The following RBM38 variants were observed in gnomAD, a reference collection of about 807,000 sequenced individuals.
RBM38 encodes the protein RNA binding motif protein 38.
A neutral mutation model predicts 23.5 loss-of-function variants in RBM38; 11 were observed. That is an observed-to-expected ratio of 0.47 (90% CI 0.29 to 0.77). The LOEUF (loss-of-function observed/expected upper bound fraction) is 0.77. Ranked by LOEUF, RBM38 falls within the 30% of genes least tolerant of loss-of-function variation. RBM38 has a pLI of 0.08. For missense variants in RBM38, 330 were observed against 351.9 expected (o/e 0.94, Z 0.50); for synonymous variants, 165 against 166.1 (o/e 0.99, Z 0.05).
rs982182289 is a variant in RBM38 at position 57,391,431 on chromosome 20, C to G, written c.-151C>G. 6.7e-6 allele frequency: 1 copy of G among 148,548 alleles called. No homozygotes were observed. Among genetic ancestry groups the G allele is most frequent in the Non-Finnish European group, 1.5e-5 (1 of 67,754 alleles). 9.2% of individuals were successfully genotyped at this position (148,548 alleles called of 1,614,324 possible). ...CGCAGCGCCGGTCGGGAGCGCAGCG[C>G]GGCGCACGTCGGCGCGCACGGCGGG... On this transcript the variant is annotated 5_prime_UTR_variant, in exon 1 of 4. Transcript: ENST00000356208.
chr20:57,407,425 C>A lies in RBM38; in HGVS notation c.417-118C>A. The A allele has an allele frequency of 8.4e-7, 1 of 1,189,826 alleles. No homozygotes were observed. The highest frequency in any genetic ancestry group is 1.2e-6 in the Non-Finnish European group (1 of 838,580). The allele number at this position is 1,189,826 out of a possible 1,614,324, so 73.7% of individuals were successfully genotyped here. On this transcript the variant is annotated intron_variant, in intron 3 of 3. Transcript: ENST00000356208. The surrounding 1 kb of genome is among the most constrained non-coding windows in gnomAD (Gnocchi z 4.0). ...AGGTGCTGTTTCTGTGCCCATCTGA[C>A]CGATGAGGAAAGTCGGGGCTCGGGG...
intron 3 of RBM38, among the ~76,000 whole-genome samples, chr20:57,394,024 C>T (rs1188359221): frequency 2.6e-5 from 4 of 152,098 alleles, no homozygotes; most frequent in African/African-American, 4.8e-5. Flanking sequence ...AAGAGTCCTG[C>T]CTTGCGGCCT....
At chr20:57,392,882 T>TCGGCTATCATGTG (rs1192510929) in intron 2 of RBM38, 105 bp downstream of exon 2, 2 of 1,466,422 alleles carry the variant, frequency 1.4e-6, no homozygotes, top group Non-Finnish European at 1.9e-6. Flanking sequence ...GCAGTGGCAG[T>TCGGCTATCATGTG]CGGCTATCAT....
chr20:57,406,605 G>A (rs115323196), intron 3 of RBM38, among the ~76,000 whole-genome samples: 1,780 of 152,292 alleles, frequency 0.012, 24 homozygotes, highest in African/African-American at 0.037. Context: ...TGTGGTCACC[G>A]CCATTGCACT....
At chr20:57,399,746 C>T (rs905336093) in intron 3 of RBM38, among the ~76,000 whole-genome samples, 7 of 152,178 alleles carry the variant, frequency 4.6e-5, no homozygotes, top group East Asian at 1.9e-4. Flanking sequence ...TGGGGATTCC[C>T]GGGAGGCAGG....
chr20:57,392,850 G>A, intron 2 of RBM38, 73 bp downstream of exon 2: 1 of 1,565,440 alleles, frequency 6.4e-7, no homozygotes, highest in Non-Finnish European at 8.7e-7. Flanking sequence ...CGGGTGGAAA[G>A]AGGCCCCCCC....
rs543954479 is a variant in RBM38, at chr20:57,407,789, G to C, written c.663G>C (p.Ala221=). 1 of 1,603,138 alleles carries C rather than the reference G, an allele frequency of 6.2e-7. No homozygotes were observed. Among genetic ancestry groups the C allele is most frequent in the Admixed American group, 1.7e-5 (1 of 58,820 alleles). The change falls in exon 4 of 4, where the codon GCG becomes GCC. Residue 221 remains alanine (A), a synonymous_variant. Transcript: ENST00000356208. This position sits in a 1 kb window ranked among gnomAD's most constrained non-coding sequence, Gnocchi z 4.0. ...VPQALSAAAP[A]GTTFVQYQAP... ...AGGCCCTCTCAGCCGCAGCACCCGC[G>C]GGCACCACTTTCGTGCAGTACCAGG... is the stretch of plus-strand genomic sequence containing the variant.
chr20:57,397,037 T>C (rs981646702), intron 3 of RBM38, among the ~76,000 whole-genome samples: 1 of 151,900 alleles, frequency 6.6e-6, no homozygotes, highest in African/African-American at 2.4e-5. Flanking sequence ...GACTCCGGAG[T>C]GTCAGGTACA....
chr20:57,396,278 G>A (rs6014984), intron 3 of RBM38, among the ~76,000 whole-genome samples: 27,601 of 152,126 alleles, frequency 0.18, 2,926 homozygotes, highest in African/African-American at 0.28. Flanking sequence ...AGCCTTCCTC[G>A]GCAGTGGCAA....
intron 3 of RBM38, among the ~76,000 whole-genome samples, chr20:57,398,908 A>C (rs2067301192): frequency 6.6e-6 from 1 of 152,238 alleles, no homozygotes; most frequent in African/African-American, 2.4e-5. Flanking sequence ...GCTTGCGGGC[A>C]TCAGGACCTT....
chr20:57,402,575 G>A (rs534962136), intron 3 of RBM38, among the ~76,000 whole-genome samples: 1 of 152,346 alleles, frequency 6.6e-6, no homozygotes, highest in African/African-American at 2.4e-5. Flanking sequence ...GGGGCGGCGT[G>A]CAGCTACCAG....
chr20:57,408,071 A>G lies in RBM38; in HGVS notation c.*225A>G. The G allele has an allele frequency of 1.7e-6, 1 of 605,908 alleles. No individual in the cohort carries two copies. The allele number at this position is 605,908 out of a possible 1,614,324, so 37.5% of individuals were successfully genotyped here. A position where few individuals can be genotyped will look rare whatever the true frequency, so the allele number is the denominator to read the frequency against. On this transcript the variant is annotated 3_prime_UTR_variant, in exon 4 of 4. Transcript: ENST00000356208. ...GTCTTGAGGGAGGACTTTAAGAATG[A>G]CTGAGAACTATTTAAAGACGCAATC...
intron 3 of RBM38, among the ~76,000 whole-genome samples, chr20:57,395,231 G>A (rs1241656457): frequency 6.6e-6 from 1 of 152,156 alleles, no homozygotes; most frequent in Non-Finnish European, 1.5e-5. Flanking sequence ...GGGCCTGGGG[G>A]CGGGTGGCAG....
chr20:57,392,873 C>T, intron 2 of RBM38, 96 bp downstream of exon 2: 2 of 1,499,220 alleles, frequency 1.3e-6, no homozygotes, highest in Non-Finnish European at 1.8e-6. Context: ...CTCGCCCCAG[C>T]AGTGGCAGTC....
chr20:57,407,773 C>T lies in RBM38; in HGVS notation c.647C>T (p.Ser216Leu). The T allele has an allele frequency of 6.2e-7, 1 of 1,607,986 alleles. No individual in the cohort carries two copies. The highest frequency in any genetic ancestry group is 8.5e-7 in the Non-Finnish European group (1 of 1,178,556). The change falls in exon 4 of 4, where the codon TCA (serine) becomes TTA (leucine). Residue 216 changes from serine to leucine, a missense_variant. Around this residue, in one of 3 missense-constraint regions of RBM38, gnomAD observed 227 missense variants for 216.4 expected, o/e 1.05. Transcript: ENST00000356208. The surrounding 1 kb of genome is among the most constrained non-coding windows in gnomAD (Gnocchi z 4.0). ...CCTGCCGCCGTGCCCCAGGCCCTCT[C>T]AGCCGCAGCACCCGCGGGCACCACT... ...SYPAAVPQAL[S>L]AAAPAGTTFV...
At position 57,407,921 on chromosome 20, in the gene RBM38, G is replaced by A; in HGVS notation, c.*75G>A. ...AGAGCTGCCAGGCCATGATGGGCTG[G>A]CGACAGCCCGGCTGAGCTTCAGTGA... On this transcript the variant is annotated 3_prime_UTR_variant, in exon 4 of 4. Coordinates refer to ENST00000356208, the MANE Select transcript of RBM38 (RefSeq NM_017495.6). This position sits in a 1 kb window ranked among gnomAD's most constrained non-coding sequence, Gnocchi z 4.0. 1 of 1,474,180 alleles carries A rather than the reference G, an allele frequency of 6.8e-7. No homozygotes were observed. The highest frequency in any genetic ancestry group is 9.0e-7 in the Non-Finnish European group (1 of 1,108,392). The allele number at this position is 1,474,180 out of a possible 1,614,324, so 91.3% of individuals were successfully genotyped here.
chr20:57,394,192 G>A (rs2067250513), intron 3 of RBM38, among the ~76,000 whole-genome samples: 1 of 152,186 alleles, frequency 6.6e-6, no homozygotes, highest in Admixed American at 6.5e-5. Flanking sequence ...AATGCCAGTT[G>A]ATCACGTGTG....
At chr20:57,394,807 C>T (rs1175167599) in intron 3 of RBM38, among the ~76,000 whole-genome samples, 1 of 152,216 alleles carries the variant, frequency 6.6e-6, no homozygotes, top group Non-Finnish European at 1.5e-5. Flanking sequence ...CGCCTGGGGG[C>T]ATGGACTGGG....
chr20:57,403,550 G>T (rs2067350928), intron 3 of RBM38, among the ~76,000 whole-genome samples: 2 of 152,204 alleles, frequency 1.3e-5, no homozygotes, highest in Admixed American at 6.5e-5. Flanking sequence ...GCTCTGCGAT[G>T]GGGCAAGTCG....
Sources: allele counts gnomAD v4.1 joint callset (sites outside exome capture counted in the v4.1 genomes callset), GRCh38; gene constraint gnomAD v4.1.1; regional missense constraint gnomAD v4.1.1; non-coding constraint Gnocchi (gnomAD v3.1); transcripts MANE v1.5; gene names NCBI Gene and HGNC (gene_info 2026-07-23, HGNC 2026-07-21).